COL4A5: variants seen among roughly 807,000 people sequenced by gnomAD.
The protein encoded by COL4A5 is collagen type IV alpha 5 chain, also known as collagen alpha-5(IV) chain.
A neutral mutation model predicts 130.2 loss-of-function variants in COL4A5; 26 were observed. That is an observed-to-expected ratio of 0.20 (90% CI 0.15 to 0.28). COL4A5 has a LOEUF of 0.28. COL4A5 is among the 10% of genes least tolerant of loss of function. The probability of loss-of-function intolerance (pLI) is 1.00; values close to 1 mark genes in which losing one functional copy is unlikely to be tolerated. For synonymous variants in COL4A5, 496 were observed against 439.6 expected (o/e 1.13, Z -1.60); for missense variants, 1,131 against 1,344.3 (o/e 0.84, Z 2.48).
chrX:108,491,428 T>G (rs1328875756), intron 1 of COL4A5, among the ~76,000 whole-genome samples: 1 of 111,797 alleles, frequency 8.9e-6, no homozygotes, highest in Non-Finnish European at 1.9e-5. Context: ...AAATAAGTCT[T>G]AAGATGTCAT....
Position 108,696,548 on chromosome X carries a change from C to A in COL4A5, c.*170C>A, listed in dbSNP as rs763169312. 6.0e-5 allele frequency: 22 copies of A among 367,542 alleles called. No homozygotes were observed. The highest frequency in any genetic ancestry group is 5.2e-4 in the African/African-American group (20 of 38,729). The allele number at this position is 367,542 out of a possible 1,213,427, so 30.3% of individuals were successfully genotyped here. A position where few individuals can be genotyped will look rare whatever the true frequency, so the allele number is the denominator to read the frequency against. ...TAACCATGAAGATTCAGATGTACCT[C>A]AGCAATGCGCCAGAGCAAAGTCTCT... is the stretch of plus-strand genomic sequence containing the variant. On this transcript the variant is annotated 3_prime_UTR_variant, in exon 53 of 53. Transcript: ENST00000328300.
At chrX:108,515,575 T>G (rs772206147) in intron 1 of COL4A5, among the ~76,000 whole-genome samples, 1 of 111,698 alleles carries the variant, frequency 9.0e-6, no homozygotes, top group African/African-American at 3.3e-5. Context: ...AAGGACAGTT[T>G]TTTTTTTGTC....
chrX:108,681,403 C>G (rs769199834), intron 46 of COL4A5, among the ~76,000 whole-genome samples: 2 of 109,459 alleles, frequency 1.8e-5, no homozygotes, highest in South Asian at 7.9e-4. Context: ...CAAGCAAAAA[C>G]TGCAAATGAT....
At chrX:108,455,745 T>A (rs1415471514) in intron 1 of COL4A5, among the ~76,000 whole-genome samples, 2 of 112,128 alleles carry the variant, frequency 1.8e-5, no homozygotes, top group Admixed American at 1.9e-4. Flanking sequence ...AATTCCTTTT[T>A]TTTTCATTGA....
At chrX:108,549,882 A>C (rs1388104216) in intron 2 of COL4A5, among the ~76,000 whole-genome samples, 1 of 111,961 alleles carries the variant, frequency 8.9e-6, no homozygotes, top group Non-Finnish European at 1.9e-5. Flanking sequence ...GACTATCATA[A>C]ATCACTTTGT....
At chrX:108,481,314 T>A (rs2064887715) in intron 1 of COL4A5, among the ~76,000 whole-genome samples, 1 of 110,816 alleles carries the variant, frequency 9.0e-6, no homozygotes, top group Admixed American at 9.6e-5. Context: ...TGGGGAAGGA[T>A]GGGAAAAAGA....
At chrX:108,695,220 A>T in intron 51 of COL4A5, 47 bp from the exon 52 acceptor site, 3 of 1,198,357 alleles carry the variant, frequency 2.5e-6, no homozygotes, top group Non-Finnish European at 3.4e-6. Context: ...TCACTAAGCT[A>T]TTATGGCACA....
chrX:108,468,210 G>A (rs779423183), intron 1 of COL4A5, among the ~76,000 whole-genome samples: 1 of 111,469 alleles, frequency 9.0e-6, no homozygotes, highest in Admixed American at 9.6e-5. Flanking sequence ...GCATCTTGTT[G>A]GCGGCACTCA....
intron 28 of COL4A5, 98 bp from the exon 29 acceptor site, chrX:108,606,644 A>G (rs1183056550): frequency 9.6e-6 from 9 of 933,190 alleles, no homozygotes; most frequent in Non-Finnish European, 1.2e-5. Context: ...AAGGAAAAGT[A>G]TTGTCTTGTA....
intron 36 of COL4A5, among the ~76,000 whole-genome samples, chrX:108,631,243 G>C (rs898655185): frequency 4.5e-5 from 5 of 111,483 alleles, no homozygotes; most frequent in Non-Finnish European, 9.4e-5. Flanking sequence ...AATTACCTTG[G>C]GCAGAATGGC....
At chrX:108,480,142 C>T (rs1401707520) in intron 1 of COL4A5, among the ~76,000 whole-genome samples, 2 of 111,695 alleles carry the variant, frequency 1.8e-5, no homozygotes, top group Admixed American at 9.5e-5. Context: ...TCGGGTCACT[C>T]GATAAATGGG....
chrX:108,613,391 A>T (rs1358064326), intron 29 of COL4A5, among the ~76,000 whole-genome samples: 4 of 112,261 alleles, frequency 3.6e-5, no homozygotes, highest in Non-Finnish European at 7.5e-5. Flanking sequence ...TTTTAGATGA[A>T]GAAGCATAAG....
At chrX:108,685,973 T>A in intron 47 of COL4A5, 58 bp from the exon 48 acceptor site, 1 of 977,640 alleles carries the variant, frequency 1.0e-6, no homozygotes, top group Non-Finnish European at 1.5e-6. Context: ...GTCTCCTAGA[T>A]CTGTCCAGAT....
intron 29 of COL4A5, among the ~76,000 whole-genome samples, chrX:108,613,362 A>G (rs921175514): frequency 8.9e-6 from 1 of 112,305 alleles, no homozygotes; most frequent in Non-Finnish European, 1.9e-5. Context: ...AGCCATGGGA[A>G]GTACTTTGTC....
rs1223884965 is a variant in COL4A5, at chrX:108,580,797, A to AT, written c.891+63dup. On this transcript the variant is annotated intron_variant, in intron 15 of 52. Transcript: ENST00000328300. ...AAAATTCTAAATGTGTGTGTGTGTGATTTTATTCTTTCTTCCTACATCTTC... is the reference window on the plus strand; with the variant it reads ...AAAATTCTAAATGTGTGTGTGTGTGATTTTTATTCTTTCTTCCTACATCTTC... 1.1e-5 allele frequency: 12 copies of AT among 1,049,039 alleles called. No individual in the cohort carries two copies. The East Asian group carries it at 3.7e-4, about 32-fold the overall frequency. 86.5% of individuals were successfully genotyped at this position (1,049,039 alleles called of 1,213,427 possible). A position where few individuals can be genotyped will look rare whatever the true frequency, so the allele number is the denominator to read the frequency against.
chrX:108,545,796 A>C (rs780744297), intron 2 of COL4A5, among the ~76,000 whole-genome samples: 16 of 111,285 alleles, frequency 1.4e-4, no homozygotes, highest in Non-Finnish European at 1.9e-4. Flanking sequence ...GTGCTCCTGT[A>C]TTGGGTGCAT....
intron 1 of COL4A5, among the ~76,000 whole-genome samples, chrX:108,455,247 A>G (rs1406595621): frequency 8.9e-6 from 1 of 111,949 alleles, no homozygotes; most frequent in Non-Finnish European, 1.9e-5. Flanking sequence ...TTTGAGATTC[A>G]TCCATGTCAT....
intron 19 of COL4A5, among the ~76,000 whole-genome samples, chrX:108,590,814 G>A (rs1383021671): frequency 9.0e-6 from 1 of 111,116 alleles, no homozygotes; most frequent in Non-Finnish European, 1.9e-5. Flanking sequence ...TCAAAGGATG[G>A]GGTTACTAGT....
At chrX:108,670,292 G>A in intron 42 of COL4A5, 56 bp downstream of exon 42, 1 of 1,200,382 alleles carries the variant, frequency 8.3e-7, no homozygotes, top group South Asian at 1.8e-5. Context: ...TTATATACCT[G>A]TACCAAATGT....
Sources: allele counts gnomAD v4.1 joint callset (sites outside exome capture counted in the v4.1 genomes callset), GRCh38; gene constraint gnomAD v4.1.1; transcripts MANE v1.5; gene names NCBI Gene and HGNC (gene_info 2026-07-23, HGNC 2026-07-21).